IQSEC1: variants seen among roughly 807,000 people sequenced by gnomAD.
IQSEC1 encodes IQ motif and SEC7 domain-containing protein 1.
A neutral mutation model predicts 91.0 loss-of-function variants in IQSEC1; 31 were observed. That is an observed-to-expected ratio of 0.34 (90% confidence interval 0.26 to 0.46). IQSEC1 has a LOEUF of 0.46. Ranked by LOEUF, IQSEC1 falls within the 20% of genes least tolerant of loss-of-function variation. The pLI is 1.00. For synonymous variants in IQSEC1, 699 were observed against 662.6 expected (o/e 1.05, Z -0.84); for missense variants, 1,388 against 1,575.6 (o/e 0.88, Z 2.02).
chr3:13,111,131 A>G (rs1236148734), intron 2 of IQSEC1, among the ~76,000 whole-genome samples: 2 of 152,122 alleles, frequency 1.3e-5, no homozygotes, highest in Non-Finnish European at 2.9e-5. Context: ...AGAGCAAAAC[A>G]CTGCATTTCC....
intron 2 of IQSEC1, among the ~76,000 whole-genome samples, chr3:13,088,325 C>A (rs368771931): frequency 6.6e-6 from 1 of 152,210 alleles, no homozygotes; most frequent in Non-Finnish European, 1.5e-5. Flanking sequence ...ACGACGCCCT[C>A]GCTTGACCTC....
intron 2 of IQSEC1, among the ~76,000 whole-genome samples, chr3:13,133,450 G>A (rs1706654625): frequency 6.6e-6 from 1 of 152,200 alleles, no homozygotes; most frequent in African/African-American, 2.4e-5. Flanking sequence ...TGCTGGGGGT[G>A]AGTTTCCACG....
At chr3:12,917,765 A>G (rs1167580852) in intron 6 of IQSEC1, among the ~76,000 whole-genome samples, 1 of 152,260 alleles carries the variant, frequency 6.6e-6, no homozygotes, top group Non-Finnish European at 1.5e-5. Flanking sequence ...ATCAAGGAGC[A>G]CAACTGCTGG....
At chr3:13,238,139 C>T (rs974913034) in intron 1 of IQSEC1, among the ~76,000 whole-genome samples, 5 of 152,186 alleles carry the variant, frequency 3.3e-5, no homozygotes, top group Admixed American at 6.5e-5. Context: ...CTGGACTATT[C>T]GCACCTCCAC....
rs1705611065 is a variant in IQSEC1 at position 13,079,195 on chromosome 3, G to C, written c.303-31673C>G. 3.9e-5 allele frequency among the ~76,000 whole-genome samples: 6 copies of C among 152,178 alleles called. No homozygotes were observed. In the South Asian group the frequency reaches 1.2e-3, roughly 31 times the overall value. ...CGTGGAGTTGGGCTGTGTGTAGGGC[G>C]GAGGGACCGGCAAGCATAGGCCACT... On this transcript the variant is annotated intron_variant, in intron 2 of 15. Transcript: ENST00000648114.
rs544543216 is a variant in IQSEC1, at chr3:13,179,873, C to T, written c.273-15740G>A. On this transcript the variant is annotated intron_variant, in intron 1 of 15. Transcript: ENST00000648114. ...AACGGCTGGCTGGCCCCGCCAGCCC[C>T]GGGCAGTGAGGGGTTTAGCACCTGG... Among the ~76,000 whole-genome samples, 9 of 152,338 alleles carry T rather than the reference C, an allele frequency of 5.9e-5. No homozygotes were observed. In the South Asian group the frequency reaches 6.2e-4, roughly 11 times the overall value.
chr3:13,101,419 C>CAAAAAAAA (rs5846799), intron 2 of IQSEC1, among the ~76,000 whole-genome samples: 39 of 119,498 alleles, frequency 3.3e-4, no homozygotes, highest in African/African-American at 8.2e-4. Flanking sequence ...ATTCCATCTC[C>CAAAAAAAA]AAAAAAAAAA....
rs535807958 is a variant in IQSEC1, at chr3:12,938,697, G to A, written c.319-2000C>T. Reference sequence around the variant, plus strand: ...AGCCTTTCTTCCCTCACTGTACTTTGTGGGCGGCACAAGTACGAGGACCTC... The same window carrying A: ...AGCCTTTCTTCCCTCACTGTACTTTATGGGCGGCACAAGTACGAGGACCTC... On this transcript the variant is annotated intron_variant, in intron 2 of 13. Transcript: ENST00000613206. Among the ~76,000 whole-genome samples, 21 of 152,230 alleles carry A rather than the reference G, an allele frequency of 1.4e-4. No homozygotes were observed. The South Asian group carries it at 4.4e-3, about 32-fold the overall frequency.
intron 1 of IQSEC1, among the ~76,000 whole-genome samples, chr3:13,044,405 G>C (rs962236234): frequency 2.0e-5 from 3 of 152,212 alleles, no homozygotes; most frequent in Non-Finnish European, 4.4e-5. Context: ...CCTGTCTGTA[G>C]TCACTTTCCC....
chr3:13,005,605 C>T (rs1195480114), intron 1 of IQSEC1, among the ~76,000 whole-genome samples: 1 of 152,222 alleles, frequency 6.6e-6, no homozygotes, highest in Non-Finnish European at 1.5e-5. Context: ...CACCTGCTAG[C>T]TGTGTGGCCA....
At chr3:13,021,637 G>T (rs539538742) in intron 1 of IQSEC1, among the ~76,000 whole-genome samples, 1 of 152,178 alleles carries the variant, frequency 6.6e-6, no homozygotes, top group African/African-American at 2.4e-5. Context: ...TGACGTTTAC[G>T]GTCACACGAA....
chr3:12,961,111 C>A lies in IQSEC1; in HGVS notation c.24-19246G>T, dbSNP rs191720980. Among the ~76,000 whole-genome samples the A allele has an allele frequency of 3.8e-3, 576 of 152,372 alleles. 5 individuals carry two copies. The highest frequency in any genetic ancestry group is 7.0e-3 in the Non-Finnish European group (476 of 68,030). The stretch of plus-strand genomic sequence containing the variant: ...CAGAACCAGGGACTGAAGGCCACTG[C>A]CCCTGAGGCCAGGCTCTGCAGCTTT... On this transcript the variant is annotated intron_variant, in intron 1 of 13. Transcript: ENST00000613206.
intron 5 of IQSEC1, among the ~76,000 whole-genome samples, chr3:12,921,840 C>T (rs1403531475): frequency 6.6e-6 from 1 of 152,300 alleles, no homozygotes; most frequent in East Asian, 1.9e-4. Context: ...TCCTAGCAGT[C>T]GCAATCATAA....
At chr3:13,016,036 A>G (rs890051926) in intron 1 of IQSEC1, among the ~76,000 whole-genome samples, 3 of 152,218 alleles carry the variant, frequency 2.0e-5, no homozygotes, top group Non-Finnish European at 4.4e-5. Flanking sequence ...GTAGTGTGAC[A>G]GGGGTCCCTG....
chr3:13,112,680 G>A (rs1245263559), intron 2 of IQSEC1, among the ~76,000 whole-genome samples: 2 of 152,276 alleles, frequency 1.3e-5, no homozygotes, highest in Non-Finnish European at 1.5e-5. Flanking sequence ...AGTGTGGGCT[G>A]CAGGGCCAGG....
At chr3:13,253,841 G>GGT (rs1212009416) in intron 1 of IQSEC1, among the ~76,000 whole-genome samples, 2 of 152,192 alleles carry the variant, frequency 1.3e-5, no homozygotes, top group African/African-American at 4.8e-5. Flanking sequence ...GTGCCTCGGT[G>GGT]GTTATGTCAA....
upstream of IQSEC1, among the ~76,000 whole-genome samples, chr3:13,077,716 G>A (rs1400996204): frequency 2.6e-5 from 4 of 152,176 alleles, no homozygotes; most frequent in Non-Finnish European, 4.4e-5. Context: ...GGAAGCAGCC[G>A]GAAGCAATTA....
intron 2 of IQSEC1, among the ~76,000 whole-genome samples, chr3:13,080,098 C>A (rs536207270): frequency 6.6e-6 from 1 of 152,144 alleles, no homozygotes; most frequent in South Asian, 2.1e-4. Context: ...GACAACCTGC[C>A]AGGGGTTTGG....
chr3:12,974,983 C>G (rs1701093588), intron 1 of IQSEC1, among the ~76,000 whole-genome samples: 1 of 152,246 alleles, frequency 6.6e-6, no homozygotes, highest in Non-Finnish European at 1.5e-5. Context: ...GCAGGCCCAG[C>G]AGATATCCCA....
Sources: allele counts gnomAD v4.1 joint callset (sites outside exome capture counted in the v4.1 genomes callset), GRCh38; gene constraint gnomAD v4.1.1; transcripts MANE v1.5; gene names NCBI Gene and HGNC (gene_info 2026-07-23, HGNC 2026-07-21).